The following DPP10 variants were observed in gnomAD, a reference collection of about 807,000 sequenced individuals.
The protein encoded by DPP10 is dipeptidyl peptidase like 10, also known as inactive dipeptidyl peptidase 10.
A neutral mutation model predicts 120.9 loss-of-function variants in DPP10; 33 were observed. The observed-to-expected ratio is 0.27, with a 90% CI of 0.21 to 0.37. The LOEUF (loss-of-function observed/expected upper bound fraction) is 0.37, where lower values mean the gene tolerates loss of function less well. Among genes scored for constraint, DPP10 ranks in the 10% least tolerant of loss-of-function variants. DPP10 has a pLI of 1.00. For synonymous variants in DPP10, 337 were observed against 326.1 expected, an observed-to-expected ratio of 1.03 and a Z score of -0.36; for missense variants, 816 against 942.8, an observed-to-expected ratio of 0.87 and a Z score of 1.76.
chr2:114,726,850 G>T (rs193259950), intron 1 of DPP10, among the ~76,000 whole-genome samples: 1 of 152,134 alleles, frequency 6.6e-6, no homozygotes, highest in African/African-American at 2.4e-5. Flanking sequence ...AAAGATCAAA[G>T]TATGATTAGA....
chr2:114,642,514 C>A (rs1695787955), intron 1 of DPP10, among the ~76,000 whole-genome samples: 1 of 152,060 alleles, frequency 6.6e-6, no homozygotes, highest in South Asian at 2.1e-4. Context: ...TAAGCAGCTA[C>A]TTGGTACTAA....
rs1029977893 is a variant in DPP10 at position 114,450,392 on chromosome 2, G to A, written c.60+7554G>A. Among the ~76,000 whole-genome samples the A allele has an allele frequency of 2.0e-5, 3 of 151,516 alleles. 1 individual carries two copies. In the South Asian group the frequency reaches 6.2e-4, roughly 31 times the overall value. ...TTGAGTTATAATTATTTGTTTCCAT[G>A]TGAGTCTCTCTACGAGCTATTAAAG... On this transcript the variant is annotated intron_variant, in intron 1 of 25. Transcript: ENST00000410059.
intron 1 of DPP10, among the ~76,000 whole-genome samples, chr2:114,591,628 C>T (rs1046933327): frequency 6.9e-6 from 1 of 145,984 alleles, no homozygotes; most frequent in Non-Finnish European, 1.5e-5. Context: ...AATCTTGGCT[C>T]ACTGCAACCT....
intron 1 of DPP10, among the ~76,000 whole-genome samples, chr2:115,019,599 ATAAT>A (rs556848350): frequency 1.1e-3 from 172 of 152,334 alleles, no homozygotes; most frequent in African/African-American, 3.9e-3. Context: ...CTTTGAGGGT[ATAAT>A]TGAGGAAAAC....
chr2:115,457,772 G>A (rs1457140705), intron 3 of DPP10, among the ~76,000 whole-genome samples: 1 of 152,050 alleles, frequency 6.6e-6, no homozygotes, highest in Non-Finnish European at 1.5e-5. Context: ...AAAGTAAAAT[G>A]TGTACTTATT....
At chr2:115,002,533 C>T (rs1019202009) in intron 1 of DPP10, among the ~76,000 whole-genome samples, 4 of 152,004 alleles carry the variant, frequency 2.6e-5, no homozygotes, top group African/African-American at 9.7e-5. Context: ...TCTAATTGAA[C>T]TAAAGAGCTA....
At chr2:115,688,068 A>C (rs2091105882) in intron 5 of DPP10, among the ~76,000 whole-genome samples, 1 of 151,722 alleles carries the variant, frequency 6.6e-6, no homozygotes, top group Non-Finnish European at 1.5e-5. Context: ...ATATTGACAG[A>C]AGTGGTCACA....
At chr2:115,549,421 T>G (rs987965232) in intron 5 of DPP10, among the ~76,000 whole-genome samples, 12 of 152,040 alleles carry the variant, frequency 7.9e-5, no homozygotes, top group Admixed American at 3.3e-4. Flanking sequence ...CTATCCAACT[T>G]TTTCTATCCT....
At chr2:114,986,288 G>A (rs1171337438) in intron 1 of DPP10, among the ~76,000 whole-genome samples, 1 of 152,158 alleles carries the variant, frequency 6.6e-6, no homozygotes. Flanking sequence ...AACTGAAACT[G>A]AAATGGTCAT....
chr2:115,593,807 T>C (rs2082826218), intron 5 of DPP10, among the ~76,000 whole-genome samples: 1 of 152,238 alleles, frequency 6.6e-6, no homozygotes. Flanking sequence ...AGTCTTATTA[T>C]ACTTGGCTTG....
At chr2:115,547,037 C>G (rs1575147410) in intron 5 of DPP10, among the ~76,000 whole-genome samples, 1 of 152,106 alleles carries the variant, frequency 6.6e-6, no homozygotes, top group South Asian at 2.1e-4. Flanking sequence ...AAGTTTATAA[C>G]TGATATTTTT....
rs575036869 is a variant in DPP10 at position 114,848,208 on chromosome 2, T to A, written c.60+405370T>A. On this transcript the variant is annotated intron_variant, in intron 1 of 25. Transcript: ENST00000410059. ...GAAGCTTGTCATCTACCTCACTGTT[T>A]GTGAAGAAGCAATTTCTCATGAGAA... Among the ~76,000 whole-genome samples, 10 of 152,282 alleles carry A rather than the reference T, an allele frequency of 6.6e-5. No individual in the cohort carries two copies. The East Asian group carries it at 1.9e-3, about 29-fold the overall frequency.
intron 21 of DPP10, among the ~76,000 whole-genome samples, chr2:115,825,794 A>G (rs1262881363): frequency 6.6e-6 from 1 of 152,232 alleles, no homozygotes; most frequent in African/African-American, 2.4e-5. Context: ...CCATAAGACA[A>G]AATTACAACA....
chr2:115,332,211 T>A (rs1200551522), intron 2 of DPP10, among the ~76,000 whole-genome samples: 1 of 152,208 alleles, frequency 6.6e-6, no homozygotes, highest in African/African-American at 2.4e-5. Context: ...TTTATTTGCA[T>A]AGAGGTGTTT....
chr2:115,409,647 A>G (rs1011910709), intron 3 of DPP10, among the ~76,000 whole-genome samples: 4 of 152,234 alleles, frequency 2.6e-5, no homozygotes, highest in Admixed American at 2.6e-4. Flanking sequence ...TTGATCCAGC[A>G]ATCCCACTAT....
chr2:114,456,229 C>T (rs929511447), intron 1 of DPP10, among the ~76,000 whole-genome samples: 20 of 152,148 alleles, frequency 1.3e-4, no homozygotes, highest in Non-Finnish European at 8.8e-5. Context: ...ATCCAGAAAG[C>T]GCATCTAATG....
At chr2:114,628,605 A>G (rs1694685040) in intron 1 of DPP10, among the ~76,000 whole-genome samples, 2 of 152,124 alleles carry the variant, frequency 1.3e-5, no homozygotes, top group Non-Finnish European at 1.5e-5. Flanking sequence ...CAACTTGTGC[A>G]TTCTTGCTGA....
chr2:114,769,554 T>G (rs1233893446), intron 1 of DPP10, among the ~76,000 whole-genome samples: 1 of 152,200 alleles, frequency 6.6e-6, no homozygotes, highest in African/African-American at 2.4e-5. Flanking sequence ...GAATTTTGTT[T>G]TGATGCTTTT....
At chr2:114,963,114 G>A (rs1469393110) in intron 1 of DPP10, among the ~76,000 whole-genome samples, 1 of 152,138 alleles carries the variant, frequency 6.6e-6, no homozygotes, top group African/African-American at 2.4e-5. Flanking sequence ...GATTATCTTT[G>A]CATATACTTA....
Sources: allele counts gnomAD v4.1 joint callset (sites outside exome capture counted in the v4.1 genomes callset), GRCh38; gene constraint gnomAD v4.1.1; transcripts MANE v1.5; gene names NCBI Gene and HGNC (gene_info 2026-07-23, HGNC 2026-07-21).